The following CAPS2 variants were observed in gnomAD, a reference collection of about 807,000 sequenced individuals.
CAPS2 encodes the protein calcyphosin-2.
In CAPS2, 98 loss-of-function variants were observed where a neutral mutation model predicts 86.5. The ratio of observed to expected loss-of-function variants is 1.13; its 90% CI spans 0.96 to 1.34. The LOEUF is 1.34. Ranked by LOEUF, CAPS2 falls within the 40% of genes most tolerant of loss-of-function variation. The pLI is 0.00. For missense variants in CAPS2, 729 were observed against 686.8 expected (o/e 1.06, Z -0.69); for synonymous variants, 210 against 225.1 (o/e 0.93, Z 0.60).
At chr12:75,349,269 C>A (rs991147122) in intron 1 of CAPS2, among the ~76,000 whole-genome samples, 2 of 152,110 alleles carry the variant, frequency 1.3e-5, no homozygotes. Context: ...CTGAAAGGAT[C>A]AAAATGTTCC....
At chr12:75,349,606 T>C (rs1256090526) in intron 1 of CAPS2, among the ~76,000 whole-genome samples, 1 of 152,186 alleles carries the variant, frequency 6.6e-6, no homozygotes, top group Non-Finnish European at 1.5e-5. Context: ...TATTTTTAAA[T>C]GTTAAGCAAA....
At chr12:75,316,139 T>C (rs562470888) in intron 6 of CAPS2, 173 bp downstream of exon 6, 10 of 868,686 alleles carry the variant, frequency 1.2e-5, no homozygotes, top group African/African-American at 1.0e-4. Flanking sequence ...ACAGAATATA[T>C]ACCAAATACA....
chr12:75,390,265 A>G (rs2045513122), intron 1 of CAPS2: 1 of 455,734 alleles, frequency 2.2e-6, no homozygotes, highest in Non-Finnish European at 4.4e-6. Flanking sequence ...AAAATCAGCT[A>G]GATATTAGCC....
At chr12:75,326,022 G>C (rs894019105) in intron 1 of CAPS2, among the ~76,000 whole-genome samples, 2 of 151,992 alleles carry the variant, frequency 1.3e-5, no homozygotes, top group African/African-American at 4.8e-5. Flanking sequence ...TGAGTCTTAG[G>C]AAAACTTCAA....
intron 1 of CAPS2, among the ~76,000 whole-genome samples, chr12:75,336,038 T>C (rs2041713247): frequency 6.6e-6 from 1 of 151,944 alleles, no homozygotes; most frequent in African/African-American, 2.4e-5. Flanking sequence ...TTTATAATAA[T>C]GTAGAAACTA....
exon 17 of CAPS2, chr12:75,277,894 A>G (rs1031631482): frequency 3.6e-6 from 3 of 837,772 alleles, no homozygotes; most frequent in Non-Finnish European, 4.3e-6. Flanking sequence ...TGATTATAAT[A>G]CATGTAACTA....
chr12:75,325,068 A>T (rs2040638393), intron 2 of CAPS2, among the ~76,000 whole-genome samples, 171 bp downstream of exon 3: 1 of 152,106 alleles, frequency 6.6e-6, no homozygotes, highest in African/African-American at 2.4e-5. Context: ...TCTTATCACA[A>T]CAGCTATTTT....
At chr12:75,329,244 G>T (rs1030853431), upstream of CAPS2, among the ~76,000 whole-genome samples, 14 of 152,178 alleles carry the variant, frequency 9.2e-5, no homozygotes, top group African/African-American at 3.4e-4. Context: ...CAAACAACTG[G>T]CTGTGAGTGA....
rs193027944 is a variant in CAPS2, at chr12:75,296,453, A to G, written c.1044+2234T>C. On this transcript the variant is annotated intron_variant, in intron 11 of 16. Coordinates refer to ENST00000393284, the Ensembl canonical transcript of CAPS2. ...ACTACAGGTGCCCGCCACCATGCCCAACTAATTTTTTTGTATTTTTAGTAG... is the reference window on the plus strand; with the variant it reads ...ACTACAGGTGCCCGCCACCATGCCCGACTAATTTTTTTGTATTTTTAGTAG... 5.2e-3 allele frequency among the ~76,000 whole-genome samples: 797 copies of G among 152,110 alleles called. 11 individuals are homozygous for G. The highest frequency in any genetic ancestry group is 0.014 in the African/African-American group (576 of 41,498).
In CAPS2 at chr12:75,370,182, T is replaced by C. The variant is rs529316132; in HGVS notation, c.-395+20656A>G. 32 of 1,350,958 alleles carry C rather than the reference T, an allele frequency of 2.4e-5. No homozygotes were observed. In the African/African-American group the frequency reaches 2.9e-4, roughly 12 times the overall value. 83.7% of individuals were successfully genotyped at this position (1,350,958 alleles called of 1,614,324 possible). On this transcript the variant is annotated intron_variant, in intron 1 of 5. Transcript: ENST00000551829. ...TTCTTCTGAGAATCTTTTAATGTCATTTATATACAAAAGAAATTCTCAAAT... is the reference window on the plus strand; with the variant it reads ...TTCTTCTGAGAATCTTTTAATGTCACTTATATACAAAAGAAATTCTCAAAT...
At chr12:75,319,610 C>T (rs1395147444) in intron 5 of CAPS2, among the ~76,000 whole-genome samples, 3 of 152,054 alleles carry the variant, frequency 2.0e-5, no homozygotes, top group Admixed American at 6.6e-5. Context: ...ACAAAATGAA[C>T]GAAGACAAGA....
chr12:75,316,528 G>A (rs528867964), intron 5 of CAPS2, 94 bp from the exon 6 acceptor site: 49 of 1,121,920 alleles, frequency 4.4e-5, no homozygotes, highest in African/African-American at 8.0e-5. Context: ...GAATATCTCA[G>A]TGACTATTTG....
chr12:75,330,386 T>C (rs1413207457), upstream of CAPS2, among the ~76,000 whole-genome samples: 1 of 152,246 alleles, frequency 6.6e-6, no homozygotes, highest in Non-Finnish European at 1.5e-5. Context: ...GCGCTTCTCC[T>C]GAGCAGGGAA....
At chr12:75,360,036 A>T (rs2043462509) in intron 1 of CAPS2, 2 of 152,178 alleles carry the variant, frequency 1.3e-5, no homozygotes, top group Non-Finnish European at 2.9e-5. Context: ...AAACATCTTT[A>T]AAACCATCAG....
intron 12 of CAPS2, 28 bp from the exon 13 acceptor site, chr12:75,291,848 A>G: frequency 8.9e-7 from 1 of 1,129,390 alleles, no homozygotes; most frequent in Non-Finnish European, 1.3e-6. Flanking sequence ...ACAGGGATGA[A>G]ATATATATAT....
At chr12:75,287,981 G>A (rs1238768065) in intron 14 of CAPS2, among the ~76,000 whole-genome samples, 1 of 152,172 alleles carries the variant, frequency 6.6e-6, no homozygotes, top group African/African-American at 2.4e-5. Flanking sequence ...TTGAATTAGA[G>A]GCTATCCACT....
intron 9 of CAPS2, 128 bp downstream of exon 9, chr12:75,299,709 G>C (rs2037491218): frequency 1.3e-5 from 6 of 445,146 alleles, no homozygotes; most frequent in Middle Eastern, 5.7e-4. Flanking sequence ...TAAAATGTTT[G>C]TTCTAAATTC....
chr12:75,290,106 A>G (rs559473099), intron 13 of CAPS2, among the ~76,000 whole-genome samples: 92 of 152,326 alleles, frequency 6.0e-4, no homozygotes, highest in African/African-American at 2.0e-3. Context: ...TGTTGTGTAG[A>G]CAACCTCTTT....
intron 1 of CAPS2, among the ~76,000 whole-genome samples, chr12:75,390,597 C>G (rs905240952): frequency 2.6e-5 from 4 of 152,136 alleles, no homozygotes; most frequent in African/African-American, 9.7e-5. Flanking sequence ...AAAAGGCAGG[C>G]CCTGCACCAA....
Sources: allele counts gnomAD v4.1 joint callset (sites outside exome capture counted in the v4.1 genomes callset), GRCh38; gene constraint gnomAD v4.1.1; transcripts MANE v1.5; gene names NCBI Gene and HGNC (gene_info 2026-07-23, HGNC 2026-07-21).